The following THSD7B variants were observed in gnomAD, a reference collection of about 807,000 sequenced individuals.
THSD7B encodes thrombospondin type-1 domain-containing protein 7B.
THSD7B carries 138 observed loss-of-function variants against 213.6 expected under a neutral mutation model. The ratio of observed to expected loss-of-function variants is 0.65; its 90% CI spans 0.56 to 0.74. The LOEUF is 0.74. Ranked by LOEUF, THSD7B falls within the 30% of genes least tolerant of loss-of-function variation. THSD7B has a pLI of 0.00. For synonymous variants in THSD7B, 742 were observed against 687.0 expected, an observed-to-expected ratio of 1.08 and a Z score of -1.25; for missense variants, 1,931 against 1,991.5, an observed-to-expected ratio of 0.97 and a Z score of 0.58.
chr2:137,048,008 A>G (rs1343788356), intron 2 of THSD7B, among the ~76,000 whole-genome samples: 3 of 152,240 alleles, frequency 2.0e-5, no homozygotes, highest in African/African-American at 4.8e-5. Context: ...TGCCGCACCC[A>G]TCAACCTGTC....
chr2:136,824,945 A>G (rs900334833), intron 1 of THSD7B, among the ~76,000 whole-genome samples: 1 of 152,228 alleles, frequency 6.6e-6, no homozygotes, highest in African/African-American at 2.4e-5. Flanking sequence ...ATTATGATCA[A>G]TATGAAAGAT....
chr2:137,159,252 G>A (rs185222769), intron 5 of THSD7B, among the ~76,000 whole-genome samples: 5 of 151,896 alleles, frequency 3.3e-5, no homozygotes, highest in Admixed American at 1.3e-4. Flanking sequence ...GGGAACATAG[G>A]GAGACCTTCT....
rs781486825 is a variant in THSD7B at position 137,450,986 on chromosome 2, G to C, written c.3101G>C (p.Gly1034Ala). ...SKWLKEKPYN[G>A]GRPCPKLDLK... ...TGGCTAAAAGAAAAACCTTACAATG[G>C]AGGACGACCATGTCCCAAACTGGAT... The change falls in exon 15 of 28, where the codon GGA becomes GCA. Residue 1034 changes from glycine to alanine, a missense_variant. Coordinates refer to ENST00000409968, the MANE Select transcript of THSD7B (RefSeq NM_001316349.2). 1.9e-6 allele frequency: 3 copies of C among 1,608,446 alleles called. No homozygotes were observed. The South Asian group carries it at 3.3e-5, about 18-fold the overall frequency.
intron 15 of THSD7B, among the ~76,000 whole-genome samples, chr2:137,521,548 T>G (rs987672138): frequency 6.6e-6 from 1 of 152,220 alleles, no homozygotes; most frequent in African/African-American, 2.4e-5. Context: ...CTCTTTCTCT[T>G]GCCCATTAGT....
chr2:136,811,665 A>C (rs1223780703), intron 1 of THSD7B, among the ~76,000 whole-genome samples: 2 of 152,206 alleles, frequency 1.3e-5, no homozygotes, highest in East Asian at 3.8e-4. Context: ...AGTTGAACCT[A>C]GACTTTAGAT....
At chr2:137,003,678 G>T (rs1686045565) in intron 2 of THSD7B, among the ~76,000 whole-genome samples, 2 of 152,100 alleles carry the variant, frequency 1.3e-5, no homozygotes, top group Non-Finnish European at 2.9e-5. Flanking sequence ...TCCTAGCCAA[G>T]ACTCCTTATA....
At chr2:137,232,542 C>T (rs1416463417) in intron 8 of THSD7B, among the ~76,000 whole-genome samples, 2 of 152,116 alleles carry the variant, frequency 1.3e-5, no homozygotes, top group Non-Finnish European at 2.9e-5. Flanking sequence ...ATAGACTATT[C>T]TAACTGGCTA....
rs1221379255 is a variant in THSD7B at position 137,450,876 on chromosome 2, C to T, written c.2991C>T (p.Cys997=). ...GYIQEKCVIP[C]PFDCKLSDWS... is the part of the protein sequence containing the mutation. ...TTCAAGAAAAATGTGTCATTCCCTG[C>T]CCATTTGATTGCAAGTTAAGCGATT... Residue 997 remains cysteine, a synonymous_variant, in exon 15 of 28, where the codon TGC becomes TGT. Coordinates refer to ENST00000409968, the MANE Select transcript of THSD7B (RefSeq NM_001316349.2). 2 of 1,609,412 alleles carry T rather than the reference C, an allele frequency of 1.2e-6. No individual in the cohort carries two copies. The highest frequency in any genetic ancestry group is 3.4e-5 in the Admixed American group (2 of 59,338).
chr2:136,843,277 T>C (rs749186122), intron 1 of THSD7B, among the ~76,000 whole-genome samples: 2 of 152,192 alleles, frequency 1.3e-5, no homozygotes, highest in Non-Finnish European at 2.9e-5. Context: ...TAGAATTTTA[T>C]TAAGTCTGTT....
chr2:136,899,241 C>T (rs147658172), intron 2 of THSD7B, among the ~76,000 whole-genome samples: 1 of 152,190 alleles, frequency 6.6e-6, no homozygotes, highest in Non-Finnish European at 1.5e-5. Context: ...TAGGCTATGT[C>T]GAGTGCTCTA....
intron 12 of THSD7B, among the ~76,000 whole-genome samples, chr2:137,344,467 A>T (rs935621207): frequency 2.6e-5 from 4 of 151,722 alleles, no homozygotes; most frequent in Non-Finnish European, 5.9e-5. Flanking sequence ...GAGATGAAAA[A>T]AGGAGAACTT....
At chr2:137,249,513 C>T (rs1682121141) in intron 10 of THSD7B, among the ~76,000 whole-genome samples, 1 of 151,946 alleles carries the variant, frequency 6.6e-6, no homozygotes, top group South Asian at 2.1e-4. Flanking sequence ...TTTCCTCTCA[C>T]TCCATTACTC....
intron 15 of THSD7B, among the ~76,000 whole-genome samples, chr2:137,492,652 T>C (rs1176167977): frequency 2.6e-5 from 4 of 152,126 alleles, no homozygotes; most frequent in African/African-American, 9.7e-5. Flanking sequence ...ATTCCTCCTC[T>C]ATAAAAAGGT....
At chr2:136,887,010 C>A (rs1683730376) in intron 2 of THSD7B, among the ~76,000 whole-genome samples, 1 of 152,068 alleles carries the variant, frequency 6.6e-6, no homozygotes. Flanking sequence ...TGTGATCTGG[C>A]ATAGGTAGAG....
chr2:136,886,927 A>C (rs1683729192), intron 2 of THSD7B, among the ~76,000 whole-genome samples: 1 of 152,150 alleles, frequency 6.6e-6, no homozygotes, highest in Non-Finnish European at 1.5e-5. Flanking sequence ...TGGAGATATA[A>C]ATTTGAGAGC....
At chr2:136,840,418 C>T (rs78079091) in intron 1 of THSD7B, among the ~76,000 whole-genome samples, 1 of 151,944 alleles carries the variant, frequency 6.6e-6, no homozygotes, top group Non-Finnish European at 1.5e-5. Context: ...AGAAAGAAAT[C>T]GCCAGTTCTC....
intron 10 of THSD7B, among the ~76,000 whole-genome samples, chr2:137,258,112 T>C (rs937508090): frequency 4.6e-5 from 7 of 152,224 alleles, no homozygotes; most frequent in Admixed American, 6.5e-5. Flanking sequence ...TGGTTCCATG[T>C]AGTAAAATTA....
intron 15 of THSD7B, among the ~76,000 whole-genome samples, chr2:137,475,679 A>G (rs1688177463): frequency 6.6e-6 from 1 of 152,140 alleles, no homozygotes; most frequent in Non-Finnish European, 1.5e-5. Flanking sequence ...AATAACATAT[A>G]TGTATTGTGT....
intron 3 of THSD7B, among the ~76,000 whole-genome samples, chr2:137,070,424 C>A (rs78358621): frequency 6.6e-6 from 1 of 151,638 alleles, no homozygotes; most frequent in Non-Finnish European, 1.5e-5. Flanking sequence ...ATCTACTGCA[C>A]TTGTATTTTC....
Sources: gnomAD v4.1 joint callset for allele counts (sites outside exome capture counted in the v4.1 genomes callset) on GRCh38, gnomAD v4.1.1 for gene constraint, MANE v1.5 for transcripts, NCBI Gene and HGNC (gene_info 2026-07-23, HGNC 2026-07-21) for gene names.